RGS8: variants seen among roughly 807,000 people sequenced by gnomAD.
RGS8 encodes the protein regulator of G-protein signaling 8.
In RGS8, 8 loss-of-function variants were observed where a neutral mutation model predicts 21.7. The ratio of observed to expected loss-of-function variants is 0.37; its 90% confidence interval spans 0.22 to 0.66. The LOEUF (loss-of-function observed/expected upper bound fraction) is 0.66, where lower values mean the gene tolerates loss of function less well. Ranked by LOEUF, RGS8 falls within the 30% of genes least tolerant of loss-of-function variation. The probability of loss-of-function intolerance (pLI) is 0.59; values close to 1 mark genes in which losing one functional copy is unlikely to be tolerated. For synonymous variants in RGS8, 80 were observed against 83.6 expected (o/e 0.96, Z 0.24); for missense variants, 157 against 217.9 (o/e 0.72, Z 1.76).
the RGS8 span, among the ~76,000 whole-genome samples, chr1:182,742,280 T>C: frequency 1.4e-5 from 2 of 145,410 alleles, no homozygotes; most frequent in Admixed American, 6.8e-5. Context: ...GAGGGGCTCC[T>C]CACATCCCAG....
upstream of RGS8, among the ~76,000 whole-genome samples, chr1:182,687,980 A>G (rs1664743040): frequency 6.6e-6 from 1 of 152,230 alleles, no homozygotes; most frequent in Admixed American, 6.5e-5. Context: ...TTTATGGTAC[A>G]TTTACACTGA....
At chr1:182,656,198 A>C (rs1214451191) in intron 5 of RGS8, among the ~76,000 whole-genome samples, 1 of 152,208 alleles carries the variant, frequency 6.6e-6, no homozygotes, top group East Asian at 1.9e-4. Context: ...GTGAGAAGTG[A>C]CTTTGCACAC....
intron 3 of RGS8, among the ~76,000 whole-genome samples, chr1:182,668,604 C>T (rs2102439734): frequency 6.6e-6 from 1 of 152,330 alleles, no homozygotes. Context: ...CCTCCTAGGG[C>T]TGGAACATCC....
At chr1:182,709,469 T>G in the RGS8 span, among the ~76,000 whole-genome samples, 1 of 152,126 alleles carries the variant, frequency 6.6e-6, no homozygotes. Context: ...CTGGTTATGG[T>G]CTCCACATCA....
chr1:182,741,466 C>G, the RGS8 span, among the ~76,000 whole-genome samples: 5,912 of 138,934 alleles, frequency 0.043, 246 homozygotes, highest in Non-Finnish European at 0.054. Flanking sequence ...GCGCCCCTCA[C>G]TTCCGGGACC....
At chr1:182,722,282 G>C in the RGS8 span, among the ~76,000 whole-genome samples, 1 of 142,002 alleles carries the variant, frequency 7.0e-6, no homozygotes, top group African/African-American at 2.7e-5. Context: ...GAGTAATTTG[G>C]TCACCTAATT....
chr1:182,702,441 C>T, the RGS8 span, among the ~76,000 whole-genome samples: 2 of 152,274 alleles, frequency 1.3e-5, no homozygotes, highest in African/African-American at 4.8e-5. Context: ...TGCTCAGTAC[C>T]TGGGTGACAG....
intron 5 of RGS8, among the ~76,000 whole-genome samples, chr1:182,658,027 G>T (rs997763278): frequency 1.3e-5 from 2 of 152,226 alleles, no homozygotes; most frequent in African/African-American, 2.4e-5. Flanking sequence ...CCTTCAAGAA[G>T]TCAAGGGTGC....
chr1:182,667,066 C>A, intron 3 of RGS8, 93 bp from the exon 5 acceptor site: 1 of 969,430 alleles, frequency 1.0e-6, no homozygotes, highest in Non-Finnish European at 1.7e-6. Flanking sequence ...GCTACGGGAG[C>A]CAGCACTGCC....
chr1:182,710,448 G>A, the RGS8 span, among the ~76,000 whole-genome samples: 1 of 152,042 alleles, frequency 6.6e-6, no homozygotes, highest in Non-Finnish European at 1.5e-5. Context: ...GGCCGGTGGT[G>A]TCCTCCTCCC....
the RGS8 span, among the ~76,000 whole-genome samples, chr1:182,717,596 C>T: frequency 6.6e-6 from 1 of 152,164 alleles, no homozygotes; most frequent in Non-Finnish European, 1.5e-5. Flanking sequence ...CAAGGCCTGC[C>T]CTAGTGGGTG....
the RGS8 span, among the ~76,000 whole-genome samples, chr1:182,720,389 G>A: frequency 2.0e-5 from 3 of 152,136 alleles, no homozygotes; most frequent in East Asian, 5.8e-4. Context: ...GACCCCAAAT[G>A]CCTGCTATGT....
At chr1:182,707,108 A>T in the RGS8 span, among the ~76,000 whole-genome samples, 1 of 152,122 alleles carries the variant, frequency 6.6e-6, no homozygotes, top group Admixed American at 6.5e-5. Flanking sequence ...CATTGAGCCG[A>T]GATCGCACCA....
At chr1:182,660,316 C>T (rs1052834030) in intron 5 of RGS8, among the ~76,000 whole-genome samples, 83 of 152,106 alleles carry the variant, frequency 5.5e-4, no homozygotes, top group Non-Finnish European at 1.8e-4. Flanking sequence ...GGTTAGAAGC[C>T]TGTCCAGTTG....
chr1:182,700,243 C>CT, the RGS8 span, among the ~76,000 whole-genome samples: 1 of 152,284 alleles, frequency 6.6e-6, no homozygotes, highest in East Asian at 1.9e-4. Flanking sequence ...CTCTCAAAGG[C>CT]TTTTATGAAA....
chr1:182,699,809 T>C, the RGS8 span, among the ~76,000 whole-genome samples: 1 of 152,196 alleles, frequency 6.6e-6, no homozygotes, highest in South Asian at 2.1e-4. Context: ...GAGCCAAAAG[T>C]TCTGGGATCT....
chr1:182,742,780 G>A, the RGS8 span, among the ~76,000 whole-genome samples: 6 of 152,150 alleles, frequency 3.9e-5, no homozygotes. Flanking sequence ...ACAGGGAGAG[G>A]GAGAGGGACT....
At chr1:182,679,936 T>A (rs1571355965) in intron 1 of RGS8, among the ~76,000 whole-genome samples, 1 of 152,262 alleles carries the variant, frequency 6.6e-6, no homozygotes, top group East Asian at 1.9e-4. Context: ...GGAAAGTAAT[T>A]ACAGGCAACT....
At chr1:182,659,635 G>C (rs571533097) in intron 5 of RGS8, among the ~76,000 whole-genome samples, 1 of 152,124 alleles carries the variant, frequency 6.6e-6, no homozygotes, top group African/African-American at 2.4e-5. Flanking sequence ...GGAGGCAAAG[G>C]TTGCAGTGAG....
Sources: allele counts gnomAD v4.1 joint callset (sites outside exome capture counted in the v4.1 genomes callset), GRCh38; gene constraint gnomAD v4.1.1; transcripts MANE v1.5; gene names NCBI Gene and HGNC (gene_info 2026-07-23, HGNC 2026-07-21).